The following BMPR1B variants were observed in gnomAD, a reference collection of about 807,000 sequenced individuals.
BMPR1B encodes the protein bone morphogenetic protein receptor type-1B.
Under a neutral mutation model 59.1 loss-of-function variants are expected in BMPR1B, and 12 were observed. The observed-to-expected ratio is 0.20, with a 90% confidence interval of 0.13 to 0.33. BMPR1B has a LOEUF of 0.33. Among genes scored for constraint, BMPR1B ranks in the 10% least tolerant of loss-of-function variants. BMPR1B has a pLI of 1.00. For missense variants in BMPR1B, 550 were observed against 610.9 expected, an observed-to-expected ratio of 0.90 and a Z score of 1.05; for synonymous variants, 237 against 207.3, an observed-to-expected ratio of 1.14 and a Z score of -1.23.
intron 2 of BMPR1B, among the ~76,000 whole-genome samples, chr4:94,944,588 A>T (rs954694902): frequency 1.3e-5 from 2 of 152,170 alleles, no homozygotes; most frequent in African/African-American, 4.8e-5. Context: ...CAAGGGAATT[A>T]TATGTAATTT....
chr4:94,789,028 G>A (rs1722862828), intron 1 of BMPR1B, among the ~76,000 whole-genome samples: 1 of 152,184 alleles, frequency 6.6e-6, no homozygotes, highest in South Asian at 2.1e-4. Context: ...AGGAGTTTCA[G>A]TAGCTCCAGT....
chr4:95,152,643 G>T lies in BMPR1B; in HGVS notation c.1253G>T (p.Gly418Val). Residue 418 changes from glycine to valine, a missense_variant and splice_region_variant, in exon 12 of 13, where the codon GGT becomes GTT. Gly to Val is a moderately radical substitution (Grantham distance 109, BLOSUM62 -3). Transcript: ENST00000515059. ...WEVARRCVSG[G>V]IVEEYQLPYH... ...AATAATAGTAACAACATATTTTTAG[G>T]TATAGTGGAAGAATACCAGCTTCCT... The T allele has an allele frequency of 6.5e-7, 1 of 1,540,320 alleles. No individual in the cohort carries two copies. The highest frequency in any genetic ancestry group is 1.2e-5 in the South Asian group (1 of 83,036).
intron 1 of BMPR1B, among the ~76,000 whole-genome samples, chr4:94,843,977 A>G (rs1725208539): frequency 7.3e-6 from 1 of 136,602 alleles, no homozygotes; most frequent in Non-Finnish European, 1.6e-5. Context: ...TTAGAGAAAC[A>G]AAGAGTAGAA....
intron 4 of BMPR1B, among the ~76,000 whole-genome samples, chr4:95,105,303 A>G (rs1390515939): frequency 2.0e-5 from 3 of 152,056 alleles, no homozygotes; most frequent in African/African-American, 2.4e-5. Context: ...GCTATCTAGA[A>G]GAGCACAGCC....
chr4:95,076,422 A>C (rs1283027930), intron 3 of BMPR1B, among the ~76,000 whole-genome samples: 1 of 152,156 alleles, frequency 6.6e-6, no homozygotes, highest in Admixed American at 6.6e-5. Context: ...ACTGAAAATC[A>C]GAGTTGGATG....
intron 10 of BMPR1B, among the ~76,000 whole-genome samples, chr4:95,134,230 C>T (rs991081490): frequency 7.2e-5 from 11 of 152,152 alleles, no homozygotes; most frequent in Non-Finnish European, 1.5e-4. Context: ...GCATAGTATT[C>T]CATGGTGTAT....
chr4:94,867,721 G>T (rs1726302481), intron 1 of BMPR1B, among the ~76,000 whole-genome samples: 2 of 152,166 alleles, frequency 1.3e-5, no homozygotes, highest in Admixed American at 1.3e-4. Flanking sequence ...GAAAATACTG[G>T]TCTTTGAACC....
intron 1 of BMPR1B, among the ~76,000 whole-genome samples, chr4:94,822,950 C>T (rs1004847831): frequency 2.0e-5 from 3 of 152,084 alleles, no homozygotes; most frequent in Non-Finnish European, 4.4e-5. Context: ...AAATGATATT[C>T]CTAAAATGTG....
intron 1 of BMPR1B, among the ~76,000 whole-genome samples, chr4:94,798,325 G>C (rs980526161): frequency 2.0e-5 from 3 of 151,984 alleles, no homozygotes; most frequent in Non-Finnish European, 4.4e-5. Context: ...GCTGACTGTT[G>C]CAATTTGTAT....
intron 3 of BMPR1B, among the ~76,000 whole-genome samples, chr4:95,037,674 G>A (rs574337994): frequency 2.0e-5 from 3 of 152,226 alleles, no homozygotes; most frequent in Non-Finnish European, 2.9e-5. Flanking sequence ...TTTGGAAGAA[G>A]AAATTCATAA....
At chr4:95,151,201 A>T (rs1003421261) in intron 11 of BMPR1B, among the ~76,000 whole-genome samples, 9 of 152,218 alleles carry the variant, frequency 5.9e-5, no homozygotes, top group African/African-American at 2.2e-4. Context: ...TGAAAACTTG[A>T]TTACATGACA....
chr4:94,992,663 CTT>C (rs1721825751), intron 2 of BMPR1B, among the ~76,000 whole-genome samples: 1 of 152,170 alleles, frequency 6.6e-6, no homozygotes, highest in Non-Finnish European at 1.5e-5. Flanking sequence ...GAGGAAGAGA[CTT>C]TTTACATTAA....
chr4:94,889,127 A>G (rs1179819232), intron 2 of BMPR1B, among the ~76,000 whole-genome samples: 1 of 152,058 alleles, frequency 6.6e-6, no homozygotes, highest in Non-Finnish European at 1.5e-5. Flanking sequence ...TGGGGATCCA[A>G]GAGAGGCCTC....
chr4:94,842,224 G>A (rs1001764788), intron 1 of BMPR1B, among the ~76,000 whole-genome samples: 3 of 151,726 alleles, frequency 2.0e-5, no homozygotes, highest in African/African-American at 7.3e-5. Flanking sequence ...TAAATCTTTG[G>A]AGTAAAATGA....
chr4:94,852,122 A>G (rs1459161597), intron 1 of BMPR1B, among the ~76,000 whole-genome samples: 3 of 152,296 alleles, frequency 2.0e-5, no homozygotes, highest in Admixed American at 1.3e-4. Flanking sequence ...TTTCTTACAA[A>G]TACAAAATGA....
intron 3 of BMPR1B, among the ~76,000 whole-genome samples, chr4:95,096,049 T>TTC (rs35011082): frequency 0.84 from 125,833 of 150,222 alleles, 52,710 homozygotes; most frequent in South Asian, 0.88. Flanking sequence ...GTTCTGCATT[T>TTC]TGTTTTTTCT....
chr4:94,770,180 G>GGTTTTTTTTTTTTTTT (rs771544268), intron 1 of BMPR1B, among the ~76,000 whole-genome samples: 11 of 106,268 alleles, frequency 1.0e-4, no homozygotes, highest in African/African-American at 2.9e-4. Flanking sequence ...CTTCGTTTCT[G>GGTTTTTTTTTTTTTTT]TGTTTGTTTT....
intron 8 of BMPR1B, among the ~76,000 whole-genome samples, chr4:95,128,285 G>T (rs1389837213): frequency 6.6e-6 from 1 of 152,188 alleles, no homozygotes; most frequent in Non-Finnish European, 1.5e-5. Flanking sequence ...CAATGTAATT[G>T]CATGGCTCTT....
intron 2 of BMPR1B, among the ~76,000 whole-genome samples, chr4:94,982,195 T>C (rs1721119509): frequency 6.6e-6 from 1 of 152,206 alleles, no homozygotes; most frequent in Non-Finnish European, 1.5e-5. Flanking sequence ...TTCACCTAAA[T>C]TATTTGAGTT....
Sources: gnomAD v4.1 joint callset for allele counts (sites outside exome capture counted in the v4.1 genomes callset) on GRCh38, gnomAD v4.1.1 for gene constraint, MANE v1.5 for transcripts, NCBI Gene and HGNC (gene_info 2026-07-23, HGNC 2026-07-21) for gene names.